EFCAB6: variants seen among roughly 807,000 people sequenced by gnomAD.
EFCAB6 encodes EF-hand calcium-binding domain-containing protein 6.
EFCAB6 carries 156 observed loss-of-function variants against 169.8 expected under a neutral mutation model. The observed-to-expected ratio is 0.92, with a 90% confidence interval of 0.81 to 1.05. EFCAB6 has a LOEUF of 1.05. EFCAB6 is among the 50% of genes least tolerant of loss of function. The pLI is 0.00. For missense variants in EFCAB6, 1,800 were observed against 1,829.1 expected (o/e 0.98, Z 0.29); for synonymous variants, 698 against 676.4 (o/e 1.03, Z -0.50).
chr22:43,757,498 G>A (rs2060999363), intron 5 of EFCAB6, among the ~76,000 whole-genome samples: 1 of 151,718 alleles, frequency 6.6e-6, no homozygotes, highest in African/African-American at 2.4e-5. Context: ...GGTGAGCCGA[G>A]ATCACACCGT....
intron 6 of EFCAB6, among the ~76,000 whole-genome samples, chr22:43,754,746 T>C (rs1030930825): frequency 6.6e-6 from 1 of 152,206 alleles, no homozygotes; most frequent in African/African-American, 2.4e-5. Context: ...ACAATGTTTC[T>C]GCTGCTGTGA....
chr22:43,572,887 G>A lies in EFCAB6; in HGVS notation c.3420+3410C>T, dbSNP rs2049979512. Among the ~76,000 whole-genome samples the A allele has an allele frequency of 6.6e-6, 1 of 152,222 alleles. No individual in the cohort carries two copies. The highest frequency in any genetic ancestry group is 1.5e-5 in the Non-Finnish European group (1 of 68,044). The stretch of plus-strand genomic sequence containing the variant: ...AGCGCCTGGTACACATGGGCCATAG[G>A]AAACACGTGTCATGAGAGAGTGAAT... On this transcript the variant is annotated intron_variant, in intron 26 of 31. Coordinates refer to ENST00000262726, the MANE Select transcript of EFCAB6 (RefSeq NM_022785.4). The surrounding 1 kb of genome is among the most constrained non-coding windows in gnomAD (Gnocchi z 4.0).
intron 10 of EFCAB6, among the ~76,000 whole-genome samples, chr22:43,701,898 G>A (rs986267914): frequency 6.6e-6 from 1 of 151,888 alleles, no homozygotes; most frequent in Non-Finnish European, 1.5e-5. Context: ...GGAAATAACA[G>A]GCTAAGAAAA....
At chr22:43,665,626 T>C (rs1177100423) in intron 17 of EFCAB6, among the ~76,000 whole-genome samples, 1 of 152,194 alleles carries the variant, frequency 6.6e-6, no homozygotes, top group African/African-American at 2.4e-5. Flanking sequence ...TGGAGTCAGA[T>C]TGGCACTCGT....
At chr22:43,605,970 C>T (rs1016461272) in intron 22 of EFCAB6, among the ~76,000 whole-genome samples, 4 of 152,198 alleles carry the variant, frequency 2.6e-5, no homozygotes, top group African/African-American at 7.2e-5. Flanking sequence ...AGGAACTGCA[C>T]GATTGACCTA....
At chr22:43,652,389 G>A (rs1477868341) in intron 17 of EFCAB6, among the ~76,000 whole-genome samples, 3 of 152,156 alleles carry the variant, frequency 2.0e-5, no homozygotes, top group East Asian at 3.9e-4. Context: ...CCCCAGCCAT[G>A]TGGAACTGTA....
chr22:43,587,247 TG>T (rs1173620192), intron 24 of EFCAB6, among the ~76,000 whole-genome samples: 284 of 152,296 alleles, frequency 1.9e-3, no homozygotes, highest in African/African-American at 6.4e-3. Context: ...ATGTTGTTTC[TG>T]AGCAGGAGGG....
chr22:43,696,583 T>A (rs950690255), intron 10 of EFCAB6, among the ~76,000 whole-genome samples: 3 of 152,144 alleles, frequency 2.0e-5, no homozygotes, highest in Non-Finnish European at 4.4e-5. Context: ...AAACAAATTG[T>A]GATATATCAA....
chr22:43,566,441 A>G (rs5764441), intron 26 of EFCAB6, among the ~76,000 whole-genome samples: 45,072 of 152,034 alleles, frequency 0.3, 7,207 homozygotes, highest in East Asian at 0.62. Flanking sequence ...CTGACCCCAG[A>G]GTACCAGTGG....
intron 8 of EFCAB6, among the ~76,000 whole-genome samples, chr22:43,724,367 C>CTTTTTT (rs58226287): frequency 1.9e-4 from 20 of 107,854 alleles, no homozygotes; most frequent in Non-Finnish European, 3.2e-4. Context: ...TTTCTTTTTT[C>CTTTTTT]TTTTTTTTTT....
chr22:43,589,280 CAAAAAAAAAAAAAAAAA>C (rs1163346832), intron 24 of EFCAB6, among the ~76,000 whole-genome samples: 45 of 80,948 alleles, frequency 5.6e-4, no homozygotes, highest in African/African-American at 1.8e-3. Context: ...GACTTCATGT[CAAAAAAAAAAAAAAAAA>C]AAAAAAAAAA....
At chr22:43,624,360 C>T (rs539718791) in intron 20 of EFCAB6, among the ~76,000 whole-genome samples, 18 of 152,244 alleles carry the variant, frequency 1.2e-4, no homozygotes, top group African/African-American at 3.6e-4. Context: ...AGTGTAACTC[C>T]CTCACTCCAT....
intron 19 of EFCAB6, 35 bp downstream of exon 19, chr22:43,632,070 C>G: frequency 6.2e-7 from 1 of 1,608,704 alleles, no homozygotes; most frequent in Non-Finnish European, 8.5e-7. Context: ...CAGGGGAGGC[C>G]TAGAGAAGCC....
intron 17 of EFCAB6, 95 bp downstream of exon 17, chr22:43,667,009 G>A (rs896636325): frequency 1.1e-5 from 15 of 1,421,526 alleles, no homozygotes; most frequent in East Asian, 2.3e-5. Flanking sequence ...GATCTGCTGC[G>A]TCCTGGGATA....
chr22:43,753,500 T>C (rs2060843443), intron 6 of EFCAB6, among the ~76,000 whole-genome samples: 1 of 152,138 alleles, frequency 6.6e-6, no homozygotes, highest in South Asian at 2.1e-4. Context: ...CATGAAGCCA[T>C]GGGACACAGT....
chr22:43,763,348 TTTAA>T (rs1479537121), intron 5 of EFCAB6, among the ~76,000 whole-genome samples: 2 of 152,308 alleles, frequency 1.3e-5, no homozygotes, highest in African/African-American at 2.4e-5. Context: ...CATCTTTTTT[TTTAA>T]TTGTGATAAA....
chr22:43,697,060 A>T (rs1367923305), intron 10 of EFCAB6, among the ~76,000 whole-genome samples: 2 of 152,220 alleles, frequency 1.3e-5, no homozygotes, highest in African/African-American at 4.8e-5. Flanking sequence ...CTCAATATAA[A>T]TCAAGGACAT....
intron 2 of EFCAB6, among the ~76,000 whole-genome samples, chr22:43,796,361 A>G (rs2062509146): frequency 6.6e-6 from 1 of 152,222 alleles, no homozygotes. Context: ...TAAATTAAGT[A>G]ATTGTGTTTT....
chr22:43,625,662 G>A (rs948756062), intron 20 of EFCAB6, among the ~76,000 whole-genome samples: 1 of 152,226 alleles, frequency 6.6e-6, no homozygotes, highest in Non-Finnish European at 1.5e-5. Context: ...GGGCCTAGGG[G>A]GCAGCACTGC....
Sources: gnomAD v4.1 joint callset for allele counts (sites outside exome capture counted in the v4.1 genomes callset) on GRCh38, gnomAD v4.1.1 for gene constraint, Gnocchi (gnomAD v3.1) non-coding constraint, MANE v1.5 for transcripts, NCBI Gene and HGNC (gene_info 2026-07-23, HGNC 2026-07-21) for gene names.